The following MMP26 variants were observed in gnomAD, a reference collection of about 807,000 sequenced individuals.
MMP26 encodes the protein matrix metallopeptidase 26, also known as matrix metalloproteinase-26.
MMP26 carries 33 observed loss-of-function variants against 31.0 expected under a neutral mutation model. That is an observed-to-expected ratio of 1.06 (90% CI 0.81 to 1.42). The LOEUF is 1.42. MMP26 is among the 40% of genes most tolerant of loss of function. The pLI is 0.00. For missense variants in MMP26, 347 were observed against 316.1 expected (o/e 1.10, Z -0.74); for synonymous variants, 122 against 114.9 (o/e 1.06, Z -0.40).
At chr11:4,841,880 C>A (rs1361718631) in intron 2 of MMP26, among the ~76,000 whole-genome samples, 1 of 152,194 alleles carries the variant, frequency 6.6e-6, no homozygotes, top group Non-Finnish European at 1.5e-5. Flanking sequence ...TTGTGGTGAG[C>A]CAAGATCACG....
At chr11:4,728,449 G>A (rs1431994434) in intron 1 of MMP26, among the ~76,000 whole-genome samples, 2 of 152,136 alleles carry the variant, frequency 1.3e-5, no homozygotes. Flanking sequence ...CAGAGGCCTT[G>A]TCCCCCTTGC....
chr11:4,734,634 T>A (rs1848213254), intron 1 of MMP26, among the ~76,000 whole-genome samples: 1 of 151,858 alleles, frequency 6.6e-6, no homozygotes, highest in South Asian at 2.1e-4. Flanking sequence ...GGATTTTTTT[T>A]ATGACCCGTG....
In MMP26 at chr11:4,882,448, C is replaced by T. The variant is rs756626375; in HGVS notation, c.-144-105620C>T. On this transcript the variant is annotated intron_variant, in intron 2 of 7. Coordinates refer to ENST00000380390, the MANE Select transcript of MMP26 (RefSeq NM_021801.5). ...AGCTTTCCCATCCATTTTGCTACCA[C>T]CCAGAAGTGATCAAATACACATATT... is the stretch of plus-strand genomic sequence containing the variant. 3 of 1,613,958 alleles carry T rather than the reference C, an allele frequency of 1.9e-6. No homozygotes were observed. The East Asian group carries it at 6.7e-5, about 36-fold the overall frequency.
chr11:4,816,930 T>G (rs1052216638), intron 2 of MMP26, among the ~76,000 whole-genome samples: 2 of 151,252 alleles, frequency 1.3e-5, no homozygotes, highest in Non-Finnish European at 2.9e-5. Context: ...CAGGATGTTC[T>G]CGATTTCCTG....
chr11:4,957,185 T>C (rs1477349091), intron 2 of MMP26, among the ~76,000 whole-genome samples: 1 of 152,220 alleles, frequency 6.6e-6, no homozygotes, highest in Non-Finnish European at 1.5e-5. Flanking sequence ...AGGCAATTTT[T>C]AAATTAAGAT....
At chr11:4,919,861 T>C (rs942668054) in intron 2 of MMP26, among the ~76,000 whole-genome samples, 1 of 152,128 alleles carries the variant, frequency 6.6e-6, no homozygotes, top group Admixed American at 6.6e-5. Context: ...GCTCCTGATT[T>C]CTGCATACTC....
At chr11:4,806,951 GT>G (rs1405253818) in intron 2 of MMP26, among the ~76,000 whole-genome samples, 3 of 152,072 alleles carry the variant, frequency 2.0e-5, no homozygotes, top group Non-Finnish European at 4.4e-5. Context: ...CGTGGGGACA[GT>G]CCCCCAGCTT....
rs185929278 is a variant in MMP26, at chr11:4,882,128, A to G, written c.-144-105940A>G. The G allele has an allele frequency of 3.3e-5, 53 of 1,613,898 alleles. 2 individuals are homozygous for G. In the Admixed American group the frequency reaches 8.7e-4, roughly 26 times the overall value. On this transcript the variant is annotated intron_variant, in intron 2 of 7. Coordinates refer to ENST00000380390, the MANE Select transcript of MMP26 (RefSeq NM_021801.5). Reference sequence around the variant, plus strand: ...GGCAGCTGTTGATCTATGTCTGACCATTACGACCCTTCCCACTGTGCTTGG... The same window carrying G: ...GGCAGCTGTTGATCTATGTCTGACCGTTACGACCCTTCCCACTGTGCTTGG...
At chr11:4,849,055 T>C (rs1353163402) in intron 2 of MMP26, 1 of 1,613,818 alleles carries the variant, frequency 6.2e-7, no homozygotes, top group Non-Finnish European at 8.5e-7. Context: ...CAGAGGATGG[T>C]GCCATTTCCC....
intron 1 of MMP26, among the ~76,000 whole-genome samples, chr11:4,763,203 C>T (rs184271123): frequency 7.2e-4 from 110 of 152,056 alleles, no homozygotes; most frequent in African/African-American, 2.5e-3. Context: ...TCAAAGAAGC[C>T]GTATTTATGT....
At chr11:4,872,577 G>A (rs571037706) in intron 2 of MMP26, among the ~76,000 whole-genome samples, 8 of 151,758 alleles carry the variant, frequency 5.3e-5, no homozygotes, top group African/African-American at 1.7e-4. Context: ...AGTGAGACTA[G>A]TCTGTGGATC....
chr11:4,942,179 A>T (rs981357695), intron 2 of MMP26, among the ~76,000 whole-genome samples: 9 of 151,492 alleles, frequency 5.9e-5, no homozygotes, highest in African/African-American at 2.2e-4. Context: ...TTCCTAAATT[A>T]AGTTGACTAA....
rs989031458 is a variant in MMP26, at chr11:4,808,974, G to C, written c.-145+41633G>C. ...ACACAGGCAGACTTAATGCTTCAAG[G>C]CATGTGGAGTGGACATGGAATTAAC... On this transcript the variant is annotated intron_variant, in intron 2 of 7. Transcript: ENST00000380390. Among the ~76,000 whole-genome samples, 5 of 151,540 alleles carry C rather than the reference G, an allele frequency of 3.3e-5. No individual in the cohort carries two copies. In the East Asian group the frequency reaches 9.7e-4, roughly 29 times the overall value.
chr11:4,925,372 G>C (rs1030587793), intron 2 of MMP26, among the ~76,000 whole-genome samples: 1 of 152,080 alleles, frequency 6.6e-6, no homozygotes, highest in Non-Finnish European at 1.5e-5. Context: ...TCCTATCTTG[G>C]AAAAGTCTAT....
At chr11:4,725,524 T>G (rs1053504254) in intron 1 of MMP26, among the ~76,000 whole-genome samples, 2 of 152,250 alleles carry the variant, frequency 1.3e-5, no homozygotes, top group Non-Finnish European at 2.9e-5. Flanking sequence ...TCTTTTCTTT[T>G]TCTTTCTCTG....
chr11:4,946,130 A>G, intron 2 of MMP26: 1 of 1,584,900 alleles, frequency 6.3e-7, no homozygotes, highest in Admixed American at 1.7e-5. Flanking sequence ...CTTACCAGAC[A>G]TTTCCAGGTT....
chr11:4,768,964 T>C (rs748048965), intron 2 of MMP26: 1 of 1,478,880 alleles, frequency 6.8e-7, no homozygotes, highest in South Asian at 1.5e-5. Flanking sequence ...TTGTATCAAA[T>C]AAAACTATGT....
chr11:4,812,187 G>A (rs1849359099), intron 2 of MMP26, among the ~76,000 whole-genome samples: 2 of 152,124 alleles, frequency 1.3e-5, no homozygotes, highest in South Asian at 4.1e-4. Context: ...AGAATTCTGA[G>A]ACAATTCAGC....
rs2436782 is a variant in MMP26, at chr11:4,946,170, G to A, written c.-144-41898G>A. The A allele has an allele frequency of 2.8e-3, 4,455 of 1,611,360 alleles. 23 individuals carry two copies. The highest frequency in any genetic ancestry group is 2.9e-3 in the Non-Finnish European group (3,381 of 1,178,738). On this transcript the variant is annotated intron_variant, in intron 2 of 7. Coordinates refer to ENST00000380390, the MANE Select transcript of MMP26 (RefSeq NM_021801.5). Reference sequence around the variant, plus strand: ...GTCACATATGACTGTTAAATCTTCCGTTGACACAATTTTGCTACAACTCTC... The same window carrying A: ...GTCACATATGACTGTTAAATCTTCCATTGACACAATTTTGCTACAACTCTC...
Sources: allele counts gnomAD v4.1 joint callset (sites outside exome capture counted in the v4.1 genomes callset), GRCh38; gene constraint gnomAD v4.1.1; transcripts MANE v1.5; gene names NCBI Gene and HGNC (gene_info 2026-07-23, HGNC 2026-07-21).